The following UCHL1 variants were observed in gnomAD, a reference collection of about 807,000 sequenced individuals.
The protein encoded by UCHL1 is ubiquitin C-terminal hydrolase L1.
A neutral mutation model predicts 33.3 loss-of-function variants in UCHL1; 5 were observed. The observed-to-expected ratio is 0.15, with a 90% CI of 0.08 to 0.32. The LOEUF (loss-of-function observed/expected upper bound fraction) is 0.32, where lower values mean the gene tolerates loss of function less well. Ranked by LOEUF, UCHL1 falls within the 10% of genes least tolerant of loss-of-function variation. The pLI, the probability that UCHL1 is intolerant of heterozygous loss-of-function variation, is 1.00. For missense variants in UCHL1, 236 were observed against 280.0 expected, an observed-to-expected ratio of 0.84 and a Z score of 1.12; for synonymous variants, 132 against 108.8, an observed-to-expected ratio of 1.21 and a Z score of -1.33.
At chr4:41,262,579 GAGA>G (rs1187530777) in intron 6 of UCHL1, among the ~76,000 whole-genome samples, 1 of 151,822 alleles carries the variant, frequency 6.6e-6, no homozygotes, top group Non-Finnish European at 1.5e-5. Flanking sequence ...ATAATCTGAT[GAGA>G]ACCTCTGAGT....
chr4:41,257,088 G>A, intron 1 of UCHL1, 27 bp from the exon 2 acceptor site: 1 of 1,613,992 alleles, frequency 6.2e-7, no homozygotes, highest in Non-Finnish European at 8.5e-7. Context: ...GTTCGGTTTT[G>A]CCTTTTTCTT....
rs1373973079 is a variant in UCHL1 at position 41,268,319 on chromosome 4, G to A, written c.*246G>A. Reference sequence around the variant, plus strand: ...TCTCCCCAGTGTATGTCTTGTATCCGATATCTAACGCTTTAAATGGCTACT... The same window carrying A: ...TCTCCCCAGTGTATGTCTTGTATCCAATATCTAACGCTTTAAATGGCTACT... On this transcript the variant is annotated 3_prime_UTR_variant, in exon 9 of 9. Coordinates refer to ENST00000284440, the MANE Select transcript of UCHL1 (RefSeq NM_004181.5). 14 of 561,064 alleles carry A rather than the reference G, an allele frequency of 2.5e-5. No homozygotes were observed. Among genetic ancestry groups the A allele is most frequent in the Admixed American group, 2.2e-4 (7 of 31,332 alleles). 34.8% of individuals were successfully genotyped at this position (561,064 alleles called of 1,614,324 possible). A position where few individuals can be genotyped will look rare whatever the true frequency, so the allele number is the denominator to read the frequency against.
chr4:41,263,983 T>A, intron 7 of UCHL1, 120 bp from the exon 8 acceptor site: 1 of 1,298,314 alleles, frequency 7.7e-7, no homozygotes, highest in Non-Finnish European at 1.1e-6. Flanking sequence ...ATAACCAGGC[T>A]TCCTTCTGTG....
At chr4:41,257,332 G>A in intron 2 of UCHL1, 2 of 990,314 alleles carry the variant, frequency 2.0e-6, no homozygotes, top group Non-Finnish European at 2.8e-6. Context: ...GACGGAGGGG[G>A]CTGCGCCCCG....
intron 6 of UCHL1, among the ~76,000 whole-genome samples, chr4:41,262,150 T>C (rs1781080395): frequency 6.6e-6 from 1 of 152,228 alleles, no homozygotes; most frequent in Non-Finnish European, 1.5e-5. Flanking sequence ...AAATTGACAG[T>C]ATTTTGTTTA....
At chr4:41,265,330 G>A (rs1781134428) in intron 8 of UCHL1, among the ~76,000 whole-genome samples, 1 of 152,228 alleles carries the variant, frequency 6.6e-6, no homozygotes, top group Non-Finnish European at 1.5e-5. Context: ...TATAATCCCA[G>A]CACTTGGGAG....
Position 41,257,481 on chromosome 4 carries a change from C to T in UCHL1, c.46-128C>T, listed in dbSNP as rs112409507. 5.4e-4 allele frequency: 677 copies of T among 1,250,592 alleles called. 5 individuals are homozygous for T. The African/African-American group carries it at 9.8e-3, about 18-fold the overall frequency. The allele number at this position is 1,250,592 out of a possible 1,614,324, so 77.5% of individuals were successfully genotyped here. ...GCCGGCCCGGGTGGGGGTGGCAGGGCGGGACTGGGGCTCCTCCCAGGCTCG... is the reference window on the plus strand; with the variant it reads ...GCCGGCCCGGGTGGGGGTGGCAGGGTGGGACTGGGGCTCCTCCCAGGCTCG... On this transcript the variant is annotated intron_variant, in intron 2 of 8. Coordinates refer to ENST00000284440, the MANE Select transcript of UCHL1 (RefSeq NM_004181.5).
intron 8 of UCHL1, among the ~76,000 whole-genome samples, chr4:41,266,200 G>C (rs543645262): frequency 6.6e-6 from 1 of 150,394 alleles, no homozygotes; most frequent in South Asian, 2.1e-4. Flanking sequence ...GGGATTATAG[G>C]CGTGAGCCAC....
intron 6 of UCHL1, among the ~76,000 whole-genome samples, chr4:41,262,719 A>T (rs1052426588): frequency 6.6e-6 from 1 of 151,642 alleles, no homozygotes; most frequent in African/African-American, 2.4e-5. Context: ...CAATTCTCTC[A>T]TCTCAGCCTC....
At chr4:41,257,049 C>T (rs113713555) in intron 1 of UCHL1, 40 bp downstream of exon 1, 9 of 1,613,672 alleles carry the variant, frequency 5.6e-6, no homozygotes, top group African/African-American at 1.3e-5. Flanking sequence ...AGCGCGAGGC[C>T]GAGGGAGGGG....
Position 41,268,175 on chromosome 4 carries a change from GCTGTTCTT to G in UCHL1, c.*110_*117del. On this transcript the variant is annotated 3_prime_UTR_variant, in exon 9 of 9. Transcript: ENST00000284440. Reference sequence around the variant, plus strand: ...AATGCTTCAGTACTTGTGAAACACAGCTGTTCTTCTGTTCTGCAGACACGCCTTCCCCT... The same window carrying G: ...AATGCTTCAGTACTTGTGAAACACAGCTGTTCTGCAGACACGCCTTCCCCT... 1 of 1,143,550 alleles carries G rather than the reference GCTGTTCTT, an allele frequency of 8.7e-7. No homozygotes were observed. The highest frequency in any genetic ancestry group is 1.3e-6 in the Non-Finnish European group (1 of 778,894). 70.8% of individuals were successfully genotyped at this position (1,143,550 alleles called of 1,614,324 possible).
intron 8 of UCHL1, among the ~76,000 whole-genome samples, chr4:41,264,934 C>T (rs1470954450): frequency 6.6e-6 from 1 of 152,206 alleles, no homozygotes; most frequent in Non-Finnish European, 1.5e-5. Context: ...TTACTGTGTG[C>T]AGACCAGGAC....
At chr4:41,264,908 A>G (rs1781127736) in intron 8 of UCHL1, among the ~76,000 whole-genome samples, 1 of 152,262 alleles carries the variant, frequency 6.6e-6, no homozygotes, top group Admixed American at 6.5e-5. Context: ...GTAATAGTAT[A>G]AAATCTTTGC....
intron 8 of UCHL1, among the ~76,000 whole-genome samples, chr4:41,266,622 C>T (rs759887644): frequency 1.4e-4 from 21 of 152,086 alleles, no homozygotes; most frequent in Non-Finnish European, 2.8e-4. Flanking sequence ...TCCAGATACT[C>T]TTTGGTTGCT....
intron 8 of UCHL1, among the ~76,000 whole-genome samples, chr4:41,267,633 A>G (rs1781175453): frequency 6.6e-6 from 1 of 152,186 alleles, no homozygotes; most frequent in African/African-American, 2.4e-5. Context: ...CACTTATGCC[A>G]CCTTATGGAA....
At chr4:41,264,042 G>A (rs1781115533) in intron 7 of UCHL1, 61 bp from the exon 8 acceptor site, 16 of 1,605,838 alleles carry the variant, frequency 1.0e-5, no homozygotes, top group Non-Finnish European at 1.3e-5. Context: ...TCTAGGCTAG[G>A]TAAGCACGGT....
At chr4:41,258,585 T>C (rs78693231) in intron 3 of UCHL1, among the ~76,000 whole-genome samples, 1,715 of 152,284 alleles carry the variant, frequency 0.011, 35 homozygotes, top group African/African-American at 0.038. Flanking sequence ...CATTGTCTTA[T>C]CTCCTATTGC....
intron 8 of UCHL1, among the ~76,000 whole-genome samples, chr4:41,265,827 T>A (rs1008394105): frequency 6.6e-6 from 1 of 152,086 alleles, no homozygotes; most frequent in African/African-American, 2.4e-5. Flanking sequence ...AATAGTAATA[T>A]GGAATGAAGA....
At chr4:41,265,347 G>A (rs970194334) in intron 8 of UCHL1, among the ~76,000 whole-genome samples, 5 of 152,228 alleles carry the variant, frequency 3.3e-5, no homozygotes, top group Admixed American at 6.5e-5. Flanking sequence ...GGAGGCTGAC[G>A]CGGGAGGATT....
Sources: allele counts gnomAD v4.1 joint callset (sites outside exome capture counted in the v4.1 genomes callset), GRCh38; gene constraint gnomAD v4.1.1; transcripts MANE v1.5; gene names NCBI Gene and HGNC (gene_info 2026-07-23, HGNC 2026-07-21).